Variants in ERICH6B observed in about 807,000 individuals in gnomAD.
ERICH6B encodes the protein glutamate rich 6B.
Under a neutral mutation model 80.0 loss-of-function variants are expected in ERICH6B, and 69 were observed. The ratio of observed to expected loss-of-function variants is 0.86; its 90% CI spans 0.71 to 1.05. The LOEUF (loss-of-function observed/expected upper bound fraction) is 1.05, where lower values mean the gene tolerates loss of function less well. Among genes scored for constraint, ERICH6B ranks in the 50% least tolerant of loss-of-function variants. The pLI, the probability that ERICH6B is intolerant of heterozygous loss-of-function variation, is 0.00. For missense variants in ERICH6B, 754 were observed against 796.1 expected (o/e 0.95, Z 0.64); for synonymous variants, 283 against 291.9 (o/e 0.97, Z 0.31).
At position 45,572,891 on chromosome 13, in the gene ERICH6B, A is replaced by T. The variant is rs554537472; in HGVS notation, c.1050+1951T>A. On this transcript the variant is annotated intron_variant, in intron 8 of 14. Coordinates refer to ENST00000298738, the MANE Select transcript of ERICH6B (RefSeq NM_182542.3). ...CTTTCATAATGGAGGAGATGCAAAA[A>T]CCAACAATAAGATGCTATTTCCACC... 1.9e-4 allele frequency among the ~76,000 whole-genome samples: 29 copies of T among 152,118 alleles called. No homozygotes were observed. In the East Asian group the frequency reaches 5.4e-3, roughly 28 times the overall value.
chr13:45,595,528 T>C (rs1349233240), intron 3 of ERICH6B, among the ~76,000 whole-genome samples: 1 of 151,444 alleles, frequency 6.6e-6, no homozygotes, highest in Non-Finnish European at 1.5e-5. Context: ...TATAAATATA[T>C]GTGTGTGTGT....
At chr13:45,569,600 C>T (rs962021829) in intron 8 of ERICH6B, among the ~76,000 whole-genome samples, 2 of 152,186 alleles carry the variant, frequency 1.3e-5, no homozygotes, top group African/African-American at 4.8e-5. Flanking sequence ...CTGTTCTTTG[C>T]TTACCAACAG....
chr13:45,602,178 C>T (rs1298970783), intron 2 of ERICH6B, among the ~76,000 whole-genome samples: 1 of 152,096 alleles, frequency 6.6e-6, no homozygotes, highest in East Asian at 1.9e-4. Context: ...GTGGCTGGGT[C>T]CCAGGAGAAA....
At chr13:45,550,936 T>G (rs1225964053) in intron 11 of ERICH6B, among the ~76,000 whole-genome samples, 3 of 152,194 alleles carry the variant, frequency 2.0e-5, no homozygotes, top group Non-Finnish European at 2.9e-5. Context: ...AAGGTCACAT[T>G]CTGAAGCACT....
In ERICH6B at chr13:45,544,956, T is replaced by C. The variant is rs751568577; in HGVS notation, c.1676A>G (p.Tyr559Cys). Residue 559 changes from tyrosine to cysteine, a missense_variant, in exon 14 of 15, where the codon TAC (tyrosine) becomes TGC (cysteine). By Grantham distance (194) the Tyr-to-Cys change is radical. Coordinates refer to ENST00000298738, the MANE Select transcript of ERICH6B (RefSeq NM_182542.3). ...CTTCTGGCGTTTGTCTTTGGGGAAG[T>C]AGTAGCCCAGGTTGGAGCTCAGGTT... is the stretch of plus-strand genomic sequence containing the variant. ...WLNLSSNLGY[Y>C]FPKDKRQKAW... 2.3e-5 allele frequency: 36 copies of C among 1,551,074 alleles called. No homozygotes were observed. The highest frequency in any genetic ancestry group is 3.1e-5 in the Non-Finnish European group (35 of 1,147,016).
chr13:45,599,236 G>A (rs1949809588), intron 2 of ERICH6B, among the ~76,000 whole-genome samples: 1 of 152,192 alleles, frequency 6.6e-6, no homozygotes, highest in Non-Finnish European at 1.5e-5. Flanking sequence ...GTCAGTGGCT[G>A]AGGGTAGGGA....
rs191752711 is a variant in ERICH6B at position 45,562,923 on chromosome 13, G to A, written c.1249+804C>T. 1.8e-3 allele frequency among the ~76,000 whole-genome samples: 278 copies of A among 152,294 alleles called. 1 individual carries two copies. Among genetic ancestry groups the A allele is most frequent in the Non-Finnish European group, 3.3e-3 (222 of 68,020 alleles). On this transcript the variant is annotated intron_variant, in intron 10 of 14. Transcript: ENST00000298738. The stretch of plus-strand genomic sequence containing the variant: ...TTGAGAGGGAATCAGGCAGAGACAA[G>A]GCTCAGCGAGAAAAAGTACCATGAT...
intron 1 of ERICH6B, among the ~76,000 whole-genome samples, chr13:45,612,655 C>T (rs559274296): frequency 2.0e-5 from 3 of 152,202 alleles, no homozygotes; most frequent in Admixed American, 2.0e-4. Context: ...CTCCCTCCTA[C>T]CTGCCTAGCC....
At chr13:45,574,487 G>A (rs1266761054) in intron 8 of ERICH6B, among the ~76,000 whole-genome samples, 1 of 152,180 alleles carries the variant, frequency 6.6e-6, no homozygotes, top group East Asian at 1.9e-4. Flanking sequence ...GGCTGGTTCT[G>A]TGTCTCTCTG....
intron 11 of ERICH6B, chr13:45,553,097 A>G (rs113253765): frequency 2.9e-6 from 1 of 342,972 alleles, no homozygotes; most frequent in Middle Eastern, 5.8e-4. Flanking sequence ...CATTCCTTAA[A>G]CTGTTTTATC....
intron 11 of ERICH6B, among the ~76,000 whole-genome samples, chr13:45,558,072 A>T (rs1229435094): frequency 6.6e-6 from 1 of 151,848 alleles, no homozygotes; most frequent in Non-Finnish European, 1.5e-5. Flanking sequence ...TGAGCATGGG[A>T]TGTGTTTCCA....
At chr13:45,605,390 T>A (rs1949851856) in intron 2 of ERICH6B, among the ~76,000 whole-genome samples, 1 of 152,264 alleles carries the variant, frequency 6.6e-6, no homozygotes, top group South Asian at 2.1e-4. Flanking sequence ...GCTTCTTCTC[T>A]ATGCTTTAGC....
intron 1 of ERICH6B, among the ~76,000 whole-genome samples, chr13:45,614,010 G>T (rs1413065313): frequency 6.6e-6 from 1 of 152,146 alleles, no homozygotes; most frequent in Non-Finnish European, 1.5e-5. Flanking sequence ...TCCAACAGGA[G>T]AAATGGGAGG....
chr13:45,615,454 A>C (rs1260702737), intron 1 of ERICH6B, among the ~76,000 whole-genome samples: 2 of 152,226 alleles, frequency 1.3e-5, no homozygotes, highest in African/African-American at 4.8e-5. Context: ...AATGGGAAGA[A>C]GCTGGGTCGA....
intron 1 of ERICH6B, 82 bp from the exon 2 acceptor site, chr13:45,607,697 A>C (rs1265823662): frequency 6.6e-6 from 1 of 152,148 alleles, no homozygotes; most frequent in African/African-American, 2.4e-5. Flanking sequence ...TGGAAAATAG[A>C]TTTTTTTCTT....
intron 3 of ERICH6B, among the ~76,000 whole-genome samples, chr13:45,595,112 T>C (rs1876308604): frequency 6.6e-6 from 1 of 152,176 alleles, no homozygotes; most frequent in South Asian, 2.1e-4. Context: ...ATGATTCCTT[T>C]AAGGGGGCCG....
intron 5 of ERICH6B, among the ~76,000 whole-genome samples, chr13:45,582,069 G>A (rs568311699): frequency 3.3e-5 from 5 of 152,318 alleles, no homozygotes; most frequent in African/African-American, 1.2e-4. Flanking sequence ...TTTAAAGTCA[G>A]TTTTTACATC....
rs117765812 is a variant in ERICH6B, at chr13:45,547,674, T to C, written c.1646+2219A>G. 4.4e-3 allele frequency among the ~76,000 whole-genome samples: 667 copies of C among 152,290 alleles called. 4 individuals are homozygous for C. Among genetic ancestry groups the C allele is most frequent in the Non-Finnish European group, 7.6e-3 (514 of 68,020 alleles). ...CTGTCATAAACATAACCCTTTCCTA[T>C]AGGAAGACCCTATAAAACCAACCCA... is the stretch of plus-strand genomic sequence containing the variant. On this transcript the variant is annotated intron_variant, in intron 13 of 14. Transcript: ENST00000298738.
At position 45,596,824 on chromosome 13, in the gene ERICH6B, T is replaced by C; in HGVS notation, c.182A>G (p.Tyr61Cys). The C allele has an allele frequency of 1.9e-6, 3 of 1,551,850 alleles. No homozygotes were observed. The highest frequency in any genetic ancestry group is 2.6e-6 in the Non-Finnish European group (3 of 1,147,026). Reference sequence around the variant, plus strand: ...TTCCAGATCCTCTTCCTCCTCCAGATACTCTTTGTCCTCCAGAGACTCTCC... The same window carrying C: ...TTCCAGATCCTCTTCCTCCTCCAGACACTCTTTGTCCTCCAGAGACTCTCC... ...PEGESLEDKEYLEEEEDLEEE... is the reference protein window; with the variant it reads ...PEGESLEDKECLEEEEDLEEE... Residue 61 changes from tyrosine (Y) to cysteine (C), a missense_variant, in exon 3 of 15, where the codon TAT (tyrosine) becomes TGT (cysteine). Transcript: ENST00000298738.
Sources: allele counts gnomAD v4.1 joint callset (sites outside exome capture counted in the v4.1 genomes callset), GRCh38; gene constraint gnomAD v4.1.1; transcripts MANE v1.5; gene names NCBI Gene and HGNC (gene_info 2026-07-23, HGNC 2026-07-21).